TAF3: variants seen among roughly 807,000 people sequenced by gnomAD.
TAF3 encodes the protein transcription initiation factor TFIID subunit 3.
Under a neutral mutation model 80.6 loss-of-function variants are expected in TAF3, and 7 were observed. The observed-to-expected ratio is 0.09, with a 90% confidence interval of 0.05 to 0.16. TAF3 has a LOEUF of 0.16. Ranked by LOEUF, TAF3 falls within the 10% of genes least tolerant of loss-of-function variation. The pLI, the probability that TAF3 is intolerant of heterozygous loss-of-function variation, is 1.00. For missense variants in TAF3, 921 were observed against 1,140.2 expected, an observed-to-expected ratio of 0.81 and a Z score of 2.77; for synonymous variants, 444 against 446.1, an observed-to-expected ratio of 1.00 and a Z score of 0.06.
intron 2 of TAF3, among the ~76,000 whole-genome samples, chr10:7,938,393 C>T (rs1027273590): frequency 1.6e-4 from 24 of 152,024 alleles, no homozygotes; most frequent in Admixed American, 5.9e-4. Flanking sequence ...GGGCGGGCCT[C>T]GCCTAAGGTA....
intron 5 of TAF3, 58 bp from the exon 6 acceptor site, chr10:8,013,673 C>CT: frequency 1.4e-6 from 2 of 1,426,692 alleles, no homozygotes; most frequent in Non-Finnish European, 2.0e-6. Flanking sequence ...GATCTGGCCT[C>CT]TTTTTGTTTT....
At chr10:7,824,780 CT>C (rs1235358258) in intron 2 of TAF3, among the ~76,000 whole-genome samples, 2 of 152,180 alleles carry the variant, frequency 1.3e-5, no homozygotes, top group Admixed American at 1.3e-4. Context: ...CATTTATCTC[CT>C]TTGTAAAGTT....
chr10:8,014,979 GTGGCCTGGGGGCT>G lies in TAF3; in HGVS notation c.*229_*241del. On this transcript the variant is annotated 3_prime_UTR_variant, in exon 7 of 7. Transcript: ENST00000344293. ...GACAGAAGGAAACTCAAGCAGAGGC[GTGGCCTGGGGGCT>G]GCCCCTCCTCCACTTCTCTAATACC... The G allele has an allele frequency of 1.2e-5, 5 of 402,428 alleles. No individual in the cohort carries two copies. The highest frequency in any genetic ancestry group is 3.2e-5 in the South Asian group (1 of 30,974). The allele number at this position is 402,428 out of a possible 1,614,324, so 24.9% of individuals were successfully genotyped here.
intron 4 of TAF3, among the ~76,000 whole-genome samples, chr10:7,995,027 A>G (rs1187295386): frequency 4.0e-5 from 6 of 151,628 alleles, no homozygotes; most frequent in Non-Finnish European, 8.8e-5. Flanking sequence ...TAAGAGCATT[A>G]TTATAATTAT....
intron 2 of TAF3, among the ~76,000 whole-genome samples, chr10:7,867,583 C>T (rs1054581746): frequency 2.6e-5 from 4 of 152,122 alleles, no homozygotes; most frequent in African/African-American, 9.7e-5. Flanking sequence ...TGTCTGATGT[C>T]TGAATATGGA....
intron 1 of TAF3, among the ~76,000 whole-genome samples, chr10:7,823,676 C>A (rs1305090195): frequency 4.0e-5 from 6 of 150,148 alleles, no homozygotes; most frequent in African/African-American, 1.5e-4. Flanking sequence ...GCTCTGTTGC[C>A]CAGGCTAGAG....
intron 2 of TAF3, among the ~76,000 whole-genome samples, chr10:7,846,182 C>G (rs1174484449): frequency 1.3e-5 from 2 of 152,098 alleles, no homozygotes; most frequent in Non-Finnish European, 2.9e-5. Flanking sequence ...CGGTCTCGAT[C>G]TCCTGACCTC....
At chr10:7,926,930 GTA>G (rs1319246158) in intron 2 of TAF3, among the ~76,000 whole-genome samples, 2 of 152,116 alleles carry the variant, frequency 1.3e-5, no homozygotes, top group Non-Finnish European at 2.9e-5. Flanking sequence ...TTCAACGTGT[GTA>G]TATATATTAT....
intron 2 of TAF3, among the ~76,000 whole-genome samples, chr10:7,901,753 C>T (rs1438816512): frequency 6.6e-6 from 1 of 152,174 alleles, no homozygotes; most frequent in South Asian, 2.1e-4. Context: ...TTCAGAAATA[C>T]AATGGTATTA....
At chr10:8,014,390 G>A (rs554006975) in intron 6 of TAF3, among the ~76,000 whole-genome samples, 7 of 152,274 alleles carry the variant, frequency 4.6e-5, no homozygotes, top group South Asian at 4.2e-4. Context: ...GCCGTGGCTC[G>A]GAAGACTTCT....
At chr10:7,989,792 ATTGT>A (rs1170516229) in intron 4 of TAF3, among the ~76,000 whole-genome samples, 1 of 152,160 alleles carries the variant, frequency 6.6e-6, no homozygotes, top group Non-Finnish European at 1.5e-5. Flanking sequence ...GCAGAGAATG[ATTGT>A]TAGTTAGGTA....
chr10:8,004,328 A>G (rs1280308918), intron 4 of TAF3, among the ~76,000 whole-genome samples: 1 of 152,320 alleles, frequency 6.6e-6, no homozygotes, highest in East Asian at 1.9e-4. Flanking sequence ...GATTACGGGC[A>G]TGAGCCAATG....
At chr10:7,931,893 T>C (rs1837872562) in intron 2 of TAF3, among the ~76,000 whole-genome samples, 1 of 152,174 alleles carries the variant, frequency 6.6e-6, no homozygotes, top group Admixed American at 6.5e-5. Context: ...AAAACAGAAA[T>C]GAATTCATTA....
At chr10:7,938,410 G>A (rs1268942629) in intron 2 of TAF3, among the ~76,000 whole-genome samples, 2 of 152,124 alleles carry the variant, frequency 1.3e-5, no homozygotes, top group Non-Finnish European at 2.9e-5. Context: ...GGTAGCCAAT[G>A]GGAATAATAA....
intron 2 of TAF3, among the ~76,000 whole-genome samples, chr10:7,828,760 G>A (rs1051388238): frequency 6.6e-6 from 1 of 151,986 alleles, no homozygotes; most frequent in Non-Finnish European, 1.5e-5. Flanking sequence ...TAGGCTGGGC[G>A]CAGTGGCTCA....
chr10:7,947,462 G>A (rs988129776), intron 2 of TAF3, among the ~76,000 whole-genome samples: 5 of 152,166 alleles, frequency 3.3e-5, no homozygotes, highest in African/African-American at 1.2e-4. Flanking sequence ...GTGGTGTTAG[G>A]TAAGGGAGTG....
intron 2 of TAF3, among the ~76,000 whole-genome samples, chr10:7,922,452 A>G (rs1050683719): frequency 6.6e-6 from 1 of 152,074 alleles, no homozygotes; most frequent in African/African-American, 2.4e-5. Context: ...TTATCAAGTG[A>G]TATTCCAAAT....
chr10:7,952,586 T>C (rs1838092072), intron 2 of TAF3, among the ~76,000 whole-genome samples: 1 of 152,210 alleles, frequency 6.6e-6, no homozygotes, highest in African/African-American at 2.4e-5. Context: ...CCATTTATAA[T>C]ACTAGGTGTC....
intron 2 of TAF3, among the ~76,000 whole-genome samples, chr10:7,866,269 G>A (rs1052468552): frequency 6.6e-6 from 1 of 152,186 alleles, no homozygotes; most frequent in Non-Finnish European, 1.5e-5. Flanking sequence ...AAATAGGCAG[G>A]CTCTGCTTCC....
Sources: gnomAD v4.1 joint callset for allele counts (sites outside exome capture counted in the v4.1 genomes callset) on GRCh38, gnomAD v4.1.1 for gene constraint, MANE v1.5 for transcripts, NCBI Gene and HGNC (gene_info 2026-07-23, HGNC 2026-07-21) for gene names.